The following ABLIM2 variants were observed in gnomAD, a reference collection of about 807,000 sequenced individuals.
The protein encoded by ABLIM2 is actin-binding LIM protein 2.
In ABLIM2, 53 loss-of-function variants were observed where a neutral mutation model predicts 97.7. The observed-to-expected ratio is 0.54, with a 90% CI of 0.44 to 0.68. The LOEUF is 0.68. Among genes scored for constraint, ABLIM2 ranks in the 30% least tolerant of loss-of-function variants. ABLIM2 has a pLI of 0.00. For synonymous variants in ABLIM2, 361 were observed against 345.8 expected (o/e 1.04, Z -0.49); for missense variants, 835 against 867.2 (o/e 0.96, Z 0.47).
At position 8,054,969 on chromosome 4, in the gene ABLIM2, C is replaced by T. The variant is rs7693070; in HGVS notation, c.764-723G>A. 0.26 allele frequency among the ~76,000 whole-genome samples: 39,859 copies of T among 151,844 alleles called. 5,561 individuals are homozygous for T. Among genetic ancestry groups the T allele is most frequent in the African/African-American group, 0.36 (14,958 of 41,390 alleles). ...CTACCATCAACATAACAAGGCCACCCGGCACCAAGTGCCCCCAGCATCCCT... is the reference window on the plus strand; with the variant it reads ...CTACCATCAACATAACAAGGCCACCTGGCACCAAGTGCCCCCAGCATCCCT... On this transcript the variant is annotated intron_variant, in intron 7 of 20. Coordinates refer to ENST00000447017, the MANE Select transcript of ABLIM2 (RefSeq NM_001130083.2). The surrounding 1 kb of genome is among the most constrained non-coding windows in gnomAD (Gnocchi z 4.9).
Position 8,023,582 on chromosome 4 carries a change from A to T in ABLIM2, c.1268-3279T>A, listed in dbSNP as rs1775398769. Among the ~76,000 whole-genome samples the T allele has an allele frequency of 6.6e-6, 1 of 151,654 alleles. No individual in the cohort carries two copies. The highest frequency in any genetic ancestry group is 2.1e-4 in the South Asian group (1 of 4,766). ...CTCGTCAGCCATGGTGGCCTGCTCC[A>T]CGGTGGACTTGCTCCTTCTCTCCCC... On this transcript the variant is annotated intron_variant, in intron 12 of 20. Coordinates refer to ENST00000447017, the MANE Select transcript of ABLIM2 (RefSeq NM_001130083.2). This position sits in a 1 kb window ranked among gnomAD's most constrained non-coding sequence, Gnocchi z 5.7.
At chr4:7,981,663 A>C (rs1029527836) in intron 20 of ABLIM2, among the ~76,000 whole-genome samples, 1 of 152,168 alleles carries the variant, frequency 6.6e-6, no homozygotes, top group Admixed American at 6.5e-5. Context: ...AAATGGATGC[A>C]TCCCATCCCC....
At chr4:8,028,864 T>C (rs77010415) in intron 11 of ABLIM2, among the ~76,000 whole-genome samples, 3,329 of 152,372 alleles carry the variant, frequency 0.022, 51 homozygotes, top group Non-Finnish European at 0.03. Context: ...TGCAAATGAA[T>C]GAGTTTTGAT....
At position 8,049,518 on chromosome 4, in the gene ABLIM2, C is replaced by A. The variant is rs113469446; in HGVS notation, c.823-4277G>T. Among the ~76,000 whole-genome samples, 826 of 152,270 alleles carry A rather than the reference C, an allele frequency of 5.4e-3. 9 individuals carry two copies. The highest frequency in any genetic ancestry group is 0.017 in the African/African-American group (717 of 41,550). On this transcript the variant is annotated intron_variant, in intron 8 of 20. Transcript: ENST00000447017. ...TGATGGGAAGCGGGGGTCAGACATG[C>A]CTCACTATGCCCGCCTCCCTTTGGA...
chr4:7,991,056 A>G (rs1748320438), intron 17 of ABLIM2, among the ~76,000 whole-genome samples: 1 of 152,218 alleles, frequency 6.6e-6, no homozygotes, highest in Non-Finnish European at 1.5e-5. Flanking sequence ...TGCAGGAGAA[A>G]CATATTCACA....
Position 7,984,766 on chromosome 4 carries a change from A to T in ABLIM2, c.1735+73T>A, listed in dbSNP as rs377168423. The T allele has an allele frequency of 1.2e-5, 18 of 1,465,936 alleles. No homozygotes were observed. In the African/African-American group the frequency reaches 2.4e-4, roughly 19 times the overall value. The allele number at this position is 1,465,936 out of a possible 1,614,324, so 90.8% of individuals were successfully genotyped here. A position where few individuals can be genotyped will look rare whatever the true frequency, so the allele number is the denominator to read the frequency against. ...TGCAGGCTGCGGATGGGGTGGTTTCAGAACAAGTCTTGTGGAATGTGTTAG... is the reference window on the plus strand; with the variant it reads ...TGCAGGCTGCGGATGGGGTGGTTTCTGAACAAGTCTTGTGGAATGTGTTAG... On this transcript the variant is annotated intron_variant, in intron 18 of 20. Transcript: ENST00000447017.
rs562533014 is a variant in ABLIM2, at chr4:7,971,382, G to A, written c.1825-4279C>T. On this transcript the variant is annotated intron_variant, in intron 20 of 20. Coordinates refer to ENST00000447017, the MANE Select transcript of ABLIM2 (RefSeq NM_001130083.2). ...GACAAGCACAGCTGGAAGGAAGGAA[G>A]CCTGGGGTGGGGGTCTTTGCAGAGG... Among the ~76,000 whole-genome samples, 6 of 152,238 alleles carry A rather than the reference G, an allele frequency of 3.9e-5. No individual in the cohort carries two copies. In the South Asian group the frequency reaches 1.2e-3, roughly 32 times the overall value.
rs1486390750 is a variant in ABLIM2, at chr4:8,155,057, C to A, written c.10+3623G>T. 2.6e-5 allele frequency among the ~76,000 whole-genome samples: 4 copies of A among 152,208 alleles called. No individual in the cohort carries two copies. The highest frequency in any genetic ancestry group is 6.5e-5 in the Admixed American group (1 of 15,290). ...CTGTGATTCAATTATCTCCACCTGGCCCTGCCCTTGACACGTGGGGATTAT... is the reference window on the plus strand; with the variant it reads ...CTGTGATTCAATTATCTCCACCTGGACCTGCCCTTGACACGTGGGGATTAT... On this transcript the variant is annotated intron_variant, in intron 1 of 20. Transcript: ENST00000447017. This position sits in a 1 kb window ranked among gnomAD's most constrained non-coding sequence, Gnocchi z 4.2.
At position 8,140,569 on chromosome 4, in the gene ABLIM2, C is replaced by T. The variant is rs376425970; in HGVS notation, c.10+18111G>A. On this transcript the variant is annotated intron_variant, in intron 1 of 20. Coordinates refer to ENST00000447017, the MANE Select transcript of ABLIM2 (RefSeq NM_001130083.2). This position sits in a 1 kb window ranked among gnomAD's most constrained non-coding sequence, Gnocchi z 5.9. Reference sequence around the variant, plus strand: ...GGCCTCTCTTTAACCGGCTTCAATGCCCCTTCAAAAACAAACGCGCATTCT... The same window carrying T: ...GGCCTCTCTTTAACCGGCTTCAATGTCCCTTCAAAAACAAACGCGCATTCT... Among the ~76,000 whole-genome samples, 16 of 152,272 alleles carry T rather than the reference C, an allele frequency of 1.1e-4. No homozygotes were observed. In the South Asian group the frequency reaches 1.9e-3, roughly 18 times the overall value.
At chr4:8,055,179 T>A (rs1489730295) in intron 7 of ABLIM2, among the ~76,000 whole-genome samples, 1 of 152,166 alleles carries the variant, frequency 6.6e-6, no homozygotes, top group Admixed American at 6.5e-5. Context: ...TGCATACAAA[T>A]GTTAGTTGCA....
intron 3 of ABLIM2, among the ~76,000 whole-genome samples, chr4:8,091,681 A>G (rs1828523542): frequency 1.3e-5 from 1 of 77,432 alleles, no homozygotes; most frequent in Non-Finnish European, 2.2e-5. Context: ...AAAATTATAT[A>G]TAATTATATA....
chr4:8,152,753 A>G (rs1578564064), intron 1 of ABLIM2, among the ~76,000 whole-genome samples: 1 of 152,154 alleles, frequency 6.6e-6, no homozygotes, highest in Non-Finnish European at 1.5e-5. Flanking sequence ...ATGTTTTCCT[A>G]TTGCAACTAT....
At chr4:8,101,466 G>GCT (rs1834571262) in intron 2 of ABLIM2, among the ~76,000 whole-genome samples, 1 of 152,234 alleles carries the variant, frequency 6.6e-6, no homozygotes, top group Non-Finnish European at 1.5e-5. Flanking sequence ...GGAACGCCCA[G>GCT]GAAGCACGTG....
intron 20 of ABLIM2, among the ~76,000 whole-genome samples, chr4:7,982,155 C>G (rs13109931): frequency 1.1e-4 from 14 of 130,258 alleles, no homozygotes; most frequent in South Asian, 5.1e-4. Flanking sequence ...TCCCCAGCAG[C>G]AGACTGAGCC....
intron 3 of ABLIM2, among the ~76,000 whole-genome samples, chr4:8,090,943 T>C (rs182884124): frequency 4.5e-4 from 69 of 152,168 alleles, no homozygotes; most frequent in South Asian, 1.7e-3. Flanking sequence ...TAAGCACGGT[T>C]GCCAACCAGC....
chr4:8,090,123 TCC>T (rs1561312771), intron 3 of ABLIM2, among the ~76,000 whole-genome samples: 5 of 151,972 alleles, frequency 3.3e-5, no homozygotes, highest in Admixed American at 3.3e-4. Context: ...GGCCCTCCCC[TCC>T]CATCCACTGC....
At chr4:8,091,908 T>C (rs1410840307) in intron 3 of ABLIM2, among the ~76,000 whole-genome samples, 21 of 120,024 alleles carry the variant, frequency 1.7e-4, no homozygotes, top group African/African-American at 6.6e-4. Context: ...ATATATAATA[T>C]ATTGTTATAA....
rs974641733 is a variant in ABLIM2, at chr4:8,130,459, A to G, written c.11-23822T>C. On this transcript the variant is annotated intron_variant, in intron 1 of 20. Transcript: ENST00000447017. The surrounding 1 kb of genome is among the most constrained non-coding windows in gnomAD (Gnocchi z 4.2). ...GCAGGGGCTATGGCAGGGAGAGTGG[A>G]CGCCGGCGCCGGGCACTGATCTGGG... Among the ~76,000 whole-genome samples the G allele has an allele frequency of 6.6e-6, 1 of 152,100 alleles. No homozygotes were observed. The highest frequency in any genetic ancestry group is 2.1e-4 in the South Asian group (1 of 4,824).
rs539008680 is a variant in ABLIM2 at position 7,983,135 on chromosome 4, A to T, written c.1824+129T>A. ...TGAGGCAATGTGGGCCTGACTCTGC[A>T]TCACGGCAAGGCTCTGCACTGTCCC... is the stretch of plus-strand genomic sequence containing the variant. On this transcript the variant is annotated intron_variant, in intron 20 of 20. Coordinates refer to ENST00000447017, the MANE Select transcript of ABLIM2 (RefSeq NM_001130083.2). 8.2e-6 allele frequency: 8 copies of T among 972,448 alleles called. No individual in the cohort carries two copies. In the African/African-American group the frequency reaches 1.3e-4, roughly 16 times the overall value. The allele number at this position is 972,448 out of a possible 1,614,324, so 60.2% of individuals were successfully genotyped here. A position where few individuals can be genotyped will look rare whatever the true frequency, so the allele number is the denominator to read the frequency against.
Sources: gnomAD v4.1 joint callset for allele counts (sites outside exome capture counted in the v4.1 genomes callset) on GRCh38, gnomAD v4.1.1 for gene constraint, Gnocchi (gnomAD v3.1) non-coding constraint, MANE v1.5 for transcripts, NCBI Gene and HGNC (gene_info 2026-07-23, HGNC 2026-07-21) for gene names.